Variants in PRICKLE1 observed in about 807,000 individuals in gnomAD.
PRICKLE1 encodes the protein prickle planar cell polarity protein 1.
In PRICKLE1, 14 loss-of-function variants were observed where a neutral mutation model predicts 70.2. That is an observed-to-expected ratio of 0.20 (90% CI 0.13 to 0.31). The LOEUF is 0.31. Ranked by LOEUF, PRICKLE1 falls within the 10% of genes least tolerant of loss-of-function variation. PRICKLE1 has a pLI of 1.00. For missense variants in PRICKLE1, 821 were observed against 1,026.2 expected, an observed-to-expected ratio of 0.80 and a Z score of 2.73; for synonymous variants, 357 against 379.9, an observed-to-expected ratio of 0.94 and a Z score of 0.70.
intron 1 of PRICKLE1, among the ~76,000 whole-genome samples, chr12:42,508,714 T>C (rs1489383043): frequency 6.6e-6 from 1 of 151,970 alleles, no homozygotes; most frequent in African/African-American, 2.4e-5. Context: ...CCAGAAGCAG[T>C]GGAAAGGAAG....
intron 1 of PRICKLE1, among the ~76,000 whole-genome samples, chr12:42,541,715 A>G (rs778799474): frequency 2.4e-4 from 37 of 152,232 alleles, no homozygotes; most frequent in Middle Eastern, 6.8e-3. Flanking sequence ...AACATCCTCC[A>G]AGGCTGGCCA....
chr12:42,562,636 A>G (rs1940536114), intron 1 of PRICKLE1, among the ~76,000 whole-genome samples: 1 of 152,224 alleles, frequency 6.6e-6, no homozygotes, highest in Admixed American at 6.5e-5. Context: ...TAGACAAGGA[A>G]GAACCAAAGC....
rs1368228903 is a variant in PRICKLE1 at position 42,459,706 on chromosome 12, A to C, written c.*103T>G. On this transcript the variant is annotated 3_prime_UTR_variant, in exon 8 of 8. Transcript: ENST00000345127. ...TGAGTTCTCATTTACATGGGCAAAG[A>C]AAGCACTTTAAACTATTTTCACAAC... is the stretch of plus-strand genomic sequence containing the variant. 11 of 1,351,626 alleles carry C rather than the reference A, an allele frequency of 8.1e-6. No homozygotes were observed. In the Admixed American group the frequency reaches 1.7e-4, roughly 21 times the overall value. 83.7% of individuals were successfully genotyped at this position (1,351,626 alleles called of 1,614,324 possible). A position where few individuals can be genotyped will look rare whatever the true frequency, so the allele number is the denominator to read the frequency against.
At chr12:42,566,131 C>T (rs1940617678) in intron 1 of PRICKLE1, among the ~76,000 whole-genome samples, 2 of 152,042 alleles carry the variant, frequency 1.3e-5, no homozygotes, top group African/African-American at 2.4e-5. Flanking sequence ...ATCATGAGAT[C>T]CTCATTTTGG....
intron 1 of PRICKLE1, among the ~76,000 whole-genome samples, chr12:42,552,987 A>G (rs1174493336): frequency 6.6e-6 from 1 of 152,184 alleles, no homozygotes; most frequent in Admixed American, 6.5e-5. Flanking sequence ...ATCTGACAGG[A>G]GGTGGAGCTC....
chr12:42,529,024 T>A (rs1939862374), intron 1 of PRICKLE1, among the ~76,000 whole-genome samples: 2 of 152,176 alleles, frequency 1.3e-5, no homozygotes, highest in South Asian at 4.1e-4. Flanking sequence ...CTCTACTGTT[T>A]TTATTTTTTA....
chr12:42,499,103 T>G (rs1939259466), intron 1 of PRICKLE1, among the ~76,000 whole-genome samples: 1 of 152,236 alleles, frequency 6.6e-6, no homozygotes, highest in Non-Finnish European at 1.5e-5. Context: ...TCTCTCATTA[T>G]TATACCTGCT....
intron 1 of PRICKLE1, among the ~76,000 whole-genome samples, chr12:42,571,654 C>G (rs1202220583): frequency 6.6e-6 from 1 of 152,150 alleles, no homozygotes; most frequent in Non-Finnish European, 1.5e-5. Flanking sequence ...AGTATGAACC[C>G]CTAAGAGGAA....
intron 1 of PRICKLE1, among the ~76,000 whole-genome samples, chr12:42,548,020 C>T (rs1212044973): frequency 6.6e-6 from 1 of 152,086 alleles, no homozygotes; most frequent in Non-Finnish European, 1.5e-5. Context: ...TAATTGTATG[C>T]ATGAGACAAA....
chr12:42,483,112 C>T (rs1348376347), intron 1 of PRICKLE1: 1 of 152,648 alleles, frequency 6.6e-6, no homozygotes, highest in African/African-American at 2.4e-5. Context: ...TGCCCCTTGT[C>T]CTCCAGCATA....
At chr12:42,470,743 T>C (rs1167388037) in intron 2 of PRICKLE1, among the ~76,000 whole-genome samples, 3 of 152,050 alleles carry the variant, frequency 2.0e-5, no homozygotes, top group Admixed American at 6.6e-5. Context: ...CTGTCTCTAC[T>C]AAAACTACAA....
intron 1 of PRICKLE1, among the ~76,000 whole-genome samples, chr12:42,540,854 C>T (rs1186176412): frequency 1.3e-5 from 2 of 152,164 alleles, no homozygotes; most frequent in Non-Finnish European, 2.9e-5. Context: ...AGCCACTGCG[C>T]CCAGCCAAAA....
intron 1 of PRICKLE1, among the ~76,000 whole-genome samples, chr12:42,582,685 C>T (rs1940923044): frequency 1.3e-5 from 2 of 152,150 alleles, no homozygotes; most frequent in African/African-American, 4.8e-5. Flanking sequence ...AACAACATAC[C>T]ACACTACATA....
chr12:42,492,377 A>G (rs1267276650), intron 1 of PRICKLE1, among the ~76,000 whole-genome samples: 1 of 152,208 alleles, frequency 6.6e-6, no homozygotes, highest in Non-Finnish European at 1.5e-5. Context: ...ACCAACTAGG[A>G]TGGTTGGTTC....
At chr12:42,524,366 CA>C (rs1485732708) in intron 1 of PRICKLE1, among the ~76,000 whole-genome samples, 2 of 151,992 alleles carry the variant, frequency 1.3e-5, no homozygotes, top group African/African-American at 4.8e-5. Context: ...ATCAAAGGAC[CA>C]AAATTAAACC....
intron 5 of PRICKLE1, among the ~76,000 whole-genome samples, chr12:42,467,308 G>A (rs908106641): frequency 6.6e-6 from 1 of 152,092 alleles, no homozygotes; most frequent in African/African-American, 2.4e-5. Flanking sequence ...GTAGAGACGG[G>A]GTTTCACCAT....
intron 1 of PRICKLE1, chr12:42,524,694 G>C (rs1266281569): frequency 6.6e-6 from 1 of 152,218 alleles, no homozygotes; most frequent in African/African-American, 2.4e-5. Context: ...ACAGGTGTAA[G>C]CCACCACACC....
At chr12:42,463,915 T>C (rs959217898) in intron 7 of PRICKLE1, among the ~76,000 whole-genome samples, 5 of 152,252 alleles carry the variant, frequency 3.3e-5, no homozygotes, top group South Asian at 4.1e-4. Context: ...TTTATGCACA[T>C]GCACTCACCT....
intron 1 of PRICKLE1, among the ~76,000 whole-genome samples, chr12:42,560,353 C>T (rs1286146276): frequency 6.6e-6 from 1 of 151,778 alleles, no homozygotes; most frequent in Non-Finnish European, 1.5e-5. Context: ...AGGCTGGTCT[C>T]GAACTCCTGA....
Sources: gnomAD v4.1 joint callset for allele counts (sites outside exome capture counted in the v4.1 genomes callset) on GRCh38, gnomAD v4.1.1 for gene constraint, MANE v1.5 for transcripts, NCBI Gene and HGNC (gene_info 2026-07-23, HGNC 2026-07-21) for gene names.